Variants in REV3L observed in about 807,000 individuals in gnomAD.
REV3L encodes the protein REV3 like, DNA directed polymerase zeta catalytic subunit, also known as DNA polymerase zeta catalytic subunit.
Under a neutral mutation model 299.4 loss-of-function variants are expected in REV3L, and 69 were observed. That is an observed-to-expected ratio of 0.23 (90% confidence interval 0.19 to 0.28). REV3L has a LOEUF of 0.28. Among genes scored for constraint, REV3L ranks in the 10% least tolerant of loss-of-function variants. The pLI is 1.00. For missense variants in REV3L, 3,128 were observed against 3,693.8 expected (o/e 0.85, Z 3.97); for synonymous variants, 1,238 against 1,271.4 (o/e 0.97, Z 0.56).
At chr6:111,306,597 C>T (rs1582431694) in intron 31 of REV3L, among the ~76,000 whole-genome samples, 1 of 152,144 alleles carries the variant, frequency 6.6e-6, no homozygotes, top group Non-Finnish European at 1.5e-5. Flanking sequence ...TATCCCAGCT[C>T]GGCCACTTAG....
intron 21 of REV3L, among the ~76,000 whole-genome samples, chr6:111,340,036 T>C (rs576330239): frequency 4.6e-5 from 7 of 152,222 alleles, no homozygotes; most frequent in Non-Finnish European, 5.9e-5. Flanking sequence ...AGTGCTGAAA[T>C]GGGAACTTAG....
intron 7 of REV3L, 122 bp from the exon 8 acceptor site, chr6:111,388,207 C>T (rs1781536107): frequency 7.8e-6 from 5 of 639,422 alleles, no homozygotes; most frequent in South Asian, 5.8e-5. Context: ...ATACATAATA[C>T]AACCTAACTG....
chr6:111,325,103 C>T (rs1774630251), intron 25 of REV3L, among the ~76,000 whole-genome samples: 1 of 152,198 alleles, frequency 6.6e-6, no homozygotes, highest in African/African-American at 2.4e-5. Context: ...CCTCGTGATC[C>T]ACCCGCCTTG....
intron 1 of REV3L, among the ~76,000 whole-genome samples, chr6:111,470,556 A>C (rs1792073884): frequency 6.6e-6 from 1 of 152,218 alleles, no homozygotes; most frequent in Non-Finnish European, 1.5e-5. Context: ...GTTTAGTAAA[A>C]TGACGTAAAA....
At chr6:111,425,076 G>C (rs1786009471) in intron 1 of REV3L, among the ~76,000 whole-genome samples, 1 of 152,136 alleles carries the variant, frequency 6.6e-6, no homozygotes. Context: ...CATACTCACA[G>C]AGCCCCTCAG....
intron 20 of REV3L, among the ~76,000 whole-genome samples, chr6:111,346,684 C>T (rs1394749370): frequency 2.6e-5 from 4 of 152,120 alleles, no homozygotes; most frequent in Non-Finnish European, 2.9e-5. Flanking sequence ...CAGCTCATAA[C>T]TTTCTTACAG....
At chr6:111,434,671 A>T (rs1477434339) in intron 1 of REV3L, among the ~76,000 whole-genome samples, 1 of 152,124 alleles carries the variant, frequency 6.6e-6, no homozygotes, top group African/African-American at 2.4e-5. Flanking sequence ...ATACAAAATC[A>T]ACATACAAAA....
chr6:111,392,740 G>A (rs1434893584), intron 5 of REV3L, 136 bp downstream of exon 5: 4 of 541,680 alleles, frequency 7.4e-6, no homozygotes, highest in African/African-American at 1.9e-5. Context: ...TAATGTCAAG[G>A]TTTGTTTCTG....
rs1250354230 is a variant in REV3L at position 111,380,145 on chromosome 6, T to G, written c.1291A>C (p.Asn431His). Residue 431 changes from asparagine (N) to histidine (H), a missense_variant, in exon 11 of 32, where the codon AAT becomes CAT. By Grantham distance (68) the Asn-to-His change is moderately conservative. Transcript: ENST00000368802. ...GAGCGACATGGTGATGGCATCCTAT[T>G]TCTTTCCCCCCGATATCCATCACTT... ...LESDGYRGER[N>H]RMPSPCRSFG... The G allele has an allele frequency of 6.8e-6, 11 of 1,614,150 alleles. No homozygotes were observed. The highest frequency in any genetic ancestry group is 3.3e-5 in the Admixed American group (2 of 60,018).
Position 111,349,220 on chromosome 6 carries a change from C to T in REV3L, c.7417G>A (p.Glu2473Lys). 6.7e-7 allele frequency: 1 copy of T among 1,482,790 alleles called. No individual in the cohort carries two copies. The highest frequency in any genetic ancestry group is 9.4e-7 in the Non-Finnish European group (1 of 1,062,888). 91.9% of individuals were successfully genotyped at this position (1,482,790 alleles called of 1,614,324 possible). Residue 2473 changes from glutamate to lysine, a missense_variant and splice_region_variant, in exon 20 of 32, where the codon GAG becomes AAG. Transcript: ENST00000368802. ...AACATTTTGGATAAATCACCCACCT[C>T]ATTTCTCATGATTCTCCAAAGATTT... ...TLNLWRIMRNEVALTNYTFEN... is the reference protein window; with the variant it reads ...TLNLWRIMRNKVALTNYTFEN...
chr6:111,381,949 G>A (rs1780873780), intron 9 of REV3L, among the ~76,000 whole-genome samples: 1 of 152,178 alleles, frequency 6.6e-6, no homozygotes, highest in Admixed American at 6.5e-5. Context: ...AATGGGGCGT[G>A]TGTTGGTTTT....
intron 1 of REV3L, among the ~76,000 whole-genome samples, chr6:111,457,672 C>G (rs988658399): frequency 2.0e-5 from 3 of 150,564 alleles, no homozygotes; most frequent in African/African-American, 7.3e-5. Flanking sequence ...ATTAAAAAAA[C>G]AAAAATGAAA....
In REV3L at chr6:111,372,741, G is replaced by C. The variant is rs753586620; in HGVS notation, c.5614C>G (p.Pro1872Ala). The change falls in exon 13 of 32, where the codon CCT becomes GCT. Residue 1872 changes from proline (P) to alanine (A), a missense_variant. Coordinates refer to ENST00000368802, the MANE Select transcript of REV3L (RefSeq NM_001372078.1). ...PSQSKNGSFT[P>A]RTANILKPLM... ...GGTTTCAGAATGTTAGCAGTTCGAGGGGTGAAGCTGCCATTTTTAGATTGT... is the reference window on the plus strand; with the variant it reads ...GGTTTCAGAATGTTAGCAGTTCGAGCGGTGAAGCTGCCATTTTTAGATTGT... 7.4e-6 allele frequency: 12 copies of C among 1,611,988 alleles called. No individual in the cohort carries two copies. The highest frequency in any genetic ancestry group is 1.0e-5 in the Non-Finnish European group (12 of 1,179,204).
chr6:111,389,170 T>C lies in REV3L; in HGVS notation c.798A>G (p.Glu266=). ...TGTTTCTTCGCCGTTGCTTTTCATC[T>C]TCCCATATGGCCTGTAGACCAGGGT... ...GGNPGLQAIW[E]DEKQRRRNRN... is the part of the protein sequence containing the mutation. The change falls in exon 7 of 32, where the codon GAA becomes GAG. Residue 266 remains glutamate, a synonymous_variant. Transcript: ENST00000368802. The C allele has an allele frequency of 6.2e-7, 1 of 1,614,008 alleles. No individual in the cohort carries two copies. Among genetic ancestry groups the C allele is most frequent in the Non-Finnish European group, 8.5e-7 (1 of 1,179,920 alleles).
intron 18 of REV3L, among the ~76,000 whole-genome samples, chr6:111,355,588 G>T (rs751937463): frequency 5.3e-5 from 8 of 152,022 alleles, no homozygotes; most frequent in Non-Finnish European, 8.8e-5. Context: ...TCATTTTATG[G>T]ACATTTAAGA....
At chr6:111,384,916 C>G (rs1287057622) in intron 9 of REV3L, among the ~76,000 whole-genome samples, 1 of 152,054 alleles carries the variant, frequency 6.6e-6, no homozygotes, top group Non-Finnish European at 1.5e-5. Context: ...TACTACTCAG[C>G]CATAAAGAGA....
intron 1 of REV3L, among the ~76,000 whole-genome samples, chr6:111,422,565 TATATATATATACAC>T (rs1582928207): frequency 1.7e-5 from 1 of 58,316 alleles, no homozygotes; most frequent in Non-Finnish European, 5.1e-5. Flanking sequence ...GTGATTCTTT[TATATATATATACAC>T]ATATATATAT....
rs755473859 is a variant in REV3L, at chr6:111,392,908, A to C, written c.630T>G (p.Thr210=). ...NHLSGNSLAD[T]LFRWEQDEIP... ...TTTCATCTTGTTCCCACCGAAATAA[A>C]GTATCAGCAAGAGAATTTCCTGATA... is the stretch of plus-strand genomic sequence containing the variant. The change falls in exon 5 of 32, where the codon ACT becomes ACG. Residue 210 remains threonine (T), a synonymous_variant. Transcript: ENST00000368802. 3 of 1,612,690 alleles carry C rather than the reference A, an allele frequency of 1.9e-6. No homozygotes were observed. Among genetic ancestry groups the C allele is most frequent in the South Asian group, 2.2e-5 (2 of 91,054 alleles).
chr6:111,368,982 A>G (rs1435109316), intron 13 of REV3L, among the ~76,000 whole-genome samples: 1 of 152,154 alleles, frequency 6.6e-6, no homozygotes, highest in East Asian at 1.9e-4. Context: ...GAAAAGACTT[A>G]AGCCCCTACT....
Sources: gnomAD v4.1 joint callset for allele counts (sites outside exome capture counted in the v4.1 genomes callset) on GRCh38, gnomAD v4.1.1 for gene constraint, MANE v1.5 for transcripts, NCBI Gene and HGNC (gene_info 2026-07-23, HGNC 2026-07-21) for gene names.